Variants in PLCG2 observed in about 807,000 individuals in gnomAD.
PLCG2 encodes the protein phospholipase C gamma 2.
In PLCG2, 69 loss-of-function variants were observed where a neutral mutation model predicts 175.6. The observed-to-expected ratio is 0.39, with a 90% CI of 0.32 to 0.48. The LOEUF (loss-of-function observed/expected upper bound fraction) is 0.48. PLCG2 is among the 20% of genes least tolerant of loss of function. PLCG2 has a pLI of 0.91. For missense variants in PLCG2, 1,798 were observed against 1,650.9 expected, an observed-to-expected ratio of 1.09 and a Z score of -1.54; for synonymous variants, 827 against 624.0, an observed-to-expected ratio of 1.33 and a Z score of -4.85.
chr16:81,916,012 A>G (rs757117085), intron 19 of PLCG2, among the ~76,000 whole-genome samples: 13 of 152,144 alleles, frequency 8.5e-5, no homozygotes, highest in Non-Finnish European at 1.5e-4. Flanking sequence ...ATATTTATAC[A>G]TGTCTGTATC....
At chr16:81,743,471 C>T (rs1185194163) in intron 1 of PLCG2, among the ~76,000 whole-genome samples, 1 of 152,202 alleles carries the variant, frequency 6.6e-6, no homozygotes, top group Admixed American at 6.5e-5. Flanking sequence ...CCTGCGTGGT[C>T]AAAAGCCAGG....
At chr16:81,779,722 G>C (rs375897188) in intron 1 of PLCG2, among the ~76,000 whole-genome samples, 49 of 152,226 alleles carry the variant, frequency 3.2e-4, no homozygotes, top group African/African-American at 1.2e-3. Context: ...GTCAGGGGTC[G>C]TGTGGGGGCT....
chr16:81,818,148 G>A (rs115840182), intron 2 of PLCG2, among the ~76,000 whole-genome samples: 2 of 152,180 alleles, frequency 1.3e-5, no homozygotes, highest in Non-Finnish European at 2.9e-5. Context: ...GCCAGCTAGT[G>A]TGTTAAGCTC....
At chr16:81,748,076 T>C (rs1486214540) in intron 1 of PLCG2, among the ~76,000 whole-genome samples, 2 of 152,122 alleles carry the variant, frequency 1.3e-5, no homozygotes, top group South Asian at 2.1e-4. Flanking sequence ...GGTGGCCCCA[T>C]ATTGGCCAGG....
chr16:81,823,205 C>A (rs960020206), intron 2 of PLCG2, among the ~76,000 whole-genome samples: 2 of 152,220 alleles, frequency 1.3e-5, no homozygotes, highest in Admixed American at 6.5e-5. Context: ...GTTTTCAGTT[C>A]AGCCTAGGGG....
chr16:81,814,336 G>C (rs974420187), intron 2 of PLCG2, among the ~76,000 whole-genome samples: 1 of 152,150 alleles, frequency 6.6e-6, no homozygotes, highest in African/African-American at 2.4e-5. Context: ...GATATAGTCT[G>C]GGGTCAGAAT....
At chr16:81,940,458 G>GC (rs561766668) in intron 30 of PLCG2, among the ~76,000 whole-genome samples, 1 of 124,228 alleles carries the variant, frequency 8.0e-6, no homozygotes, top group African/African-American at 3.4e-5. Context: ...TTGGCATCTT[G>GC]GGGGGGGAGT....
At chr16:81,878,708 G>C (rs1699446440) in intron 7 of PLCG2, among the ~76,000 whole-genome samples, 1 of 152,074 alleles carries the variant, frequency 6.6e-6, no homozygotes, top group Non-Finnish European at 1.5e-5. Context: ...TCTGCCCCGT[G>C]GTCTTTATCT....
At position 81,959,221 on chromosome 16, in the gene PLCG2, G is replaced by T. The variant is rs1358967116; in HGVS notation, c.*1223G>T. On this transcript the variant is annotated 3_prime_UTR_variant, in exon 33 of 33. Transcript: ENST00000564138. The stretch of plus-strand genomic sequence containing the variant: ...GAAAAACGATGGCTGTGGTGGGGAA[G>T]AACAAACCAGCAGTAAGCCTGATGT... 6 of 225,692 alleles carry T rather than the reference G, an allele frequency of 2.7e-5. No homozygotes were observed. The highest frequency in any genetic ancestry group is 4.4e-5 in the Non-Finnish European group (5 of 113,450). The allele number at this position is 225,692 out of a possible 1,614,324, so 14.0% of individuals were successfully genotyped here.
chr16:81,934,852 A>C (rs963995694), intron 26 of PLCG2, among the ~76,000 whole-genome samples: 4 of 152,194 alleles, frequency 2.6e-5, no homozygotes, highest in African/African-American at 9.7e-5. Context: ...ATGAGAAGCA[A>C]GTGAAAGGGG....
Position 81,936,350 on chromosome 16 carries a change from G to A in PLCG2, c.3024G>A (p.Gln1008=). The change falls in exon 27 of 33, where the codon CAG becomes CAA. Residue 1008 remains glutamine, a synonymous_variant. Coordinates refer to ENST00000564138, the MANE Select transcript of PLCG2 (RefSeq NM_002661.5). ...DPFRLWLCGS[Q]MVALNFQTAD... is the part of the protein sequence containing the mutation. ...TCCGCCTCTGGCTGTGCGGTTCTCA[G>A]ATGGTGGCACTCAATTTCCAGACGG... 1.9e-6 allele frequency: 3 copies of A among 1,614,058 alleles called. No individual in the cohort carries two copies. Among genetic ancestry groups the A allele is most frequent in the Non-Finnish European group, 2.5e-6 (3 of 1,180,036 alleles).
intron 2 of PLCG2, among the ~76,000 whole-genome samples, chr16:81,837,179 T>A (rs953613406): frequency 1.3e-5 from 2 of 152,204 alleles, no homozygotes; most frequent in Non-Finnish European, 2.9e-5. Context: ...AGAATACATA[T>A]ACATGCAGTG....
chr16:81,809,976 C>T (rs1158529196), intron 2 of PLCG2, among the ~76,000 whole-genome samples: 1 of 151,966 alleles, frequency 6.6e-6, no homozygotes, highest in Non-Finnish European at 1.5e-5. Context: ...CTTTGTCTGC[C>T]ACCATGGTTC....
rs148587431 is a variant in PLCG2 at position 81,804,873 on chromosome 16, T to G, written c.193+18691T>G. Among the ~76,000 whole-genome samples the G allele has an allele frequency of 1.2e-4, 18 of 152,344 alleles. No individual in the cohort carries two copies. In the East Asian group the frequency reaches 3.3e-3, roughly 28 times the overall value. On this transcript the variant is annotated intron_variant, in intron 2 of 32. Coordinates refer to ENST00000564138, the MANE Select transcript of PLCG2 (RefSeq NM_002661.5). ...TGTTCTTGAAAGCTTGGGAGCAGTA[T>G]TGAGCATCTGCCATGTGTCAGTATT... is the stretch of plus-strand genomic sequence containing the variant.
At chr16:81,756,890 G>T (rs534498807) in intron 2 of PLCG2, among the ~76,000 whole-genome samples, 1 of 152,120 alleles carries the variant, frequency 6.6e-6, no homozygotes, top group Admixed American at 6.5e-5. Flanking sequence ...ACAGCCTGGG[G>T]CACAGGCCTG....
At chr16:81,899,351 C>T (rs1451030332) in intron 13 of PLCG2, among the ~76,000 whole-genome samples, 1 of 150,606 alleles carries the variant, frequency 6.6e-6, no homozygotes, top group South Asian at 2.1e-4. Context: ...TATACATGTA[C>T]TAATGATATG....
intron 24 of PLCG2, chr16:81,931,251 C>G: frequency 2.8e-6 from 1 of 362,936 alleles, no homozygotes; most frequent in Non-Finnish European, 5.0e-6. Flanking sequence ...CCTATAAGGT[C>G]CCATTCACAG....
At chr16:81,754,866 C>A (rs1909889698) in intron 1 of PLCG2, among the ~76,000 whole-genome samples, 1 of 152,156 alleles carries the variant, frequency 6.6e-6, no homozygotes, top group Non-Finnish European at 1.5e-5. Flanking sequence ...TCATTATTAT[C>A]TTTTATTTTA....
chr16:81,907,578 A>G (rs1909429894), intron 15 of PLCG2, 107 bp from the exon 16 acceptor site: 3 of 605,300 alleles, frequency 5.0e-6, no homozygotes, highest in Middle Eastern at 5.5e-4. Flanking sequence ...AAACTGGGAA[A>G]AGCACATCCA....
Sources: allele counts gnomAD v4.1 joint callset (sites outside exome capture counted in the v4.1 genomes callset), GRCh38; gene constraint gnomAD v4.1.1; transcripts MANE v1.5; gene names NCBI Gene and HGNC (gene_info 2026-07-23, HGNC 2026-07-21).